PKNOX2: variants seen among roughly 807,000 people sequenced by gnomAD.
PKNOX2 encodes the protein homeobox protein PKNOX2.
Under a neutral mutation model 53.1 loss-of-function variants are expected in PKNOX2, and 14 were observed. The ratio of observed to expected loss-of-function variants is 0.26; its 90% CI spans 0.17 to 0.41. PKNOX2 has a LOEUF of 0.41. Ranked by LOEUF, PKNOX2 falls within the 10% of genes least tolerant of loss-of-function variation. PKNOX2 has a pLI of 1.00. For synonymous variants in PKNOX2, 257 were observed against 242.8 expected (o/e 1.06, Z -0.54); for missense variants, 496 against 602.8 (o/e 0.82, Z 1.85).
chr11:125,376,051 T>C (rs1367910414), intron 5 of PKNOX2, among the ~76,000 whole-genome samples: 1 of 152,224 alleles, frequency 6.6e-6, no homozygotes, highest in East Asian at 1.9e-4. Flanking sequence ...TAACTTTCAC[T>C]GTGTTGAGAT....
chr11:125,328,608 G>T (rs1172075124), intron 2 of PKNOX2, among the ~76,000 whole-genome samples: 2 of 152,170 alleles, frequency 1.3e-5, no homozygotes, highest in African/African-American at 4.8e-5. Context: ...TGTTAGCAAA[G>T]CTCCCAGGAT....
At chr11:125,401,475 CA>C (rs1320545223) in intron 7 of PKNOX2, among the ~76,000 whole-genome samples, 3 of 151,656 alleles carry the variant, frequency 2.0e-5, no homozygotes, top group Non-Finnish European at 4.4e-5. Context: ...GCTCAGGCTT[CA>C]GGGGTAAATA....
intron 2 of PKNOX2, among the ~76,000 whole-genome samples, chr11:125,313,769 T>G (rs60937162): frequency 0.017 from 2,540 of 152,276 alleles, 72 homozygotes; most frequent in African/African-American, 0.057. Flanking sequence ...GAAATGAAAT[T>G]AAACATTCAG....
intron 3 of PKNOX2, among the ~76,000 whole-genome samples, chr11:125,340,089 C>A: frequency 6.6e-6 from 1 of 152,174 alleles, no homozygotes; most frequent in Non-Finnish European, 1.5e-5. Context: ...GAGCAAAATG[C>A]AATGAAATAT....
At chr11:125,194,117 T>C (rs188527406) in intron 1 of PKNOX2, among the ~76,000 whole-genome samples, 67 of 152,330 alleles carry the variant, frequency 4.4e-4, no homozygotes, top group African/African-American at 1.3e-3. Context: ...CTAGATGCCT[T>C]TGTGCGAGCC....
At chr11:125,248,369 C>T (rs994330459) in intron 2 of PKNOX2, among the ~76,000 whole-genome samples, 2 of 152,284 alleles carry the variant, frequency 1.3e-5, no homozygotes, top group Non-Finnish European at 2.9e-5. Context: ...CACAGCAGCT[C>T]TGTCGGGTCC....
intron 5 of PKNOX2, among the ~76,000 whole-genome samples, chr11:125,382,980 A>C (rs1227666123): frequency 1.3e-5 from 2 of 152,112 alleles, no homozygotes; most frequent in African/African-American, 4.8e-5. Flanking sequence ...CCTGGGGCCC[A>C]GCAGTTTAGG....
chr11:125,362,976 T>C (rs1591542866), intron 4 of PKNOX2, among the ~76,000 whole-genome samples: 2 of 152,330 alleles, frequency 1.3e-5, no homozygotes, highest in Middle Eastern at 6.8e-3. Context: ...AGAAGGAACC[T>C]TCAAACCAAG....
rs1449135199 is a variant in PKNOX2 at position 125,370,517 on chromosome 11, C to T, written c.227+2532C>T. On this transcript the variant is annotated intron_variant, in intron 5 of 12. Transcript: ENST00000298282. The surrounding 1 kb of genome is among the most constrained non-coding windows in gnomAD (Gnocchi z 4.1). The stretch of plus-strand genomic sequence containing the variant: ...ACCACCCGCAACCCTTGGTGTTTGC[C>T]CAAAGTATGTCTGCAGCTGTCTGAC... Among the ~76,000 whole-genome samples, 1 of 152,202 alleles carries T rather than the reference C, an allele frequency of 6.6e-6. No homozygotes were observed. The highest frequency in any genetic ancestry group is 1.9e-4 in the East Asian group (1 of 5,192).
chr11:125,289,883 G>A (rs541138175), intron 2 of PKNOX2, among the ~76,000 whole-genome samples: 16 of 152,148 alleles, frequency 1.1e-4, no homozygotes, highest in Non-Finnish European at 2.1e-4. Context: ...GGCTTCATCC[G>A]TTGCCCAATA....
intron 4 of PKNOX2, among the ~76,000 whole-genome samples, chr11:125,366,371 G>T (rs1354020076): frequency 6.6e-6 from 1 of 152,080 alleles, no homozygotes; most frequent in Non-Finnish European, 1.5e-5. Context: ...AGGAAAGCAG[G>T]TACATTTCTT....
chr11:125,207,143 A>C (rs1362900212), intron 1 of PKNOX2, among the ~76,000 whole-genome samples: 1 of 151,990 alleles, frequency 6.6e-6, no homozygotes, highest in Non-Finnish European at 1.5e-5. Context: ...AACAACTGCC[A>C]CAGGAAACAT....
chr11:125,384,227 G>A (rs769318821), intron 5 of PKNOX2, among the ~76,000 whole-genome samples: 9 of 152,178 alleles, frequency 5.9e-5, no homozygotes, highest in Non-Finnish European at 1.3e-4. Flanking sequence ...GACATATAGT[G>A]ATAAATAAGG....
In PKNOX2 at chr11:125,431,157, C is replaced by T. The variant is rs558703179; in HGVS notation, c.1193-9C>T. The stretch of plus-strand genomic sequence containing the variant: ...CCTGCCTCGTCCTGACCCTTGCTTT[C>T]TCTCGCAGGTTCCATCAACTTGGAC... On this transcript the variant is annotated splice_polypyrimidine_tract_variant and intron_variant, in intron 12 of 12. Transcript: ENST00000298282. 1.9e-6 allele frequency: 3 copies of T among 1,612,584 alleles called. No homozygotes were observed. The highest frequency in any genetic ancestry group is 2.2e-5 in the East Asian group (1 of 44,854).
At chr11:125,225,626 C>T (rs986281672) in intron 1 of PKNOX2, among the ~76,000 whole-genome samples, 3 of 152,194 alleles carry the variant, frequency 2.0e-5, no homozygotes, top group African/African-American at 7.2e-5. Flanking sequence ...AATGTCCCCT[C>T]TGGCCTGGCG....
At chr11:125,283,158 T>C (rs1388120368) in intron 2 of PKNOX2, among the ~76,000 whole-genome samples, 4 of 149,526 alleles carry the variant, frequency 2.7e-5, no homozygotes, top group Admixed American at 6.6e-5. Flanking sequence ...TCTCAAAAAA[T>C]ATATAAATAA....
At chr11:125,393,008 A>G (rs1954157842) in intron 6 of PKNOX2, among the ~76,000 whole-genome samples, 1 of 151,802 alleles carries the variant, frequency 6.6e-6, no homozygotes, top group African/African-American at 2.4e-5. Flanking sequence ...AATACATAAA[A>G]AAAAAAATTA....
intron 5 of PKNOX2, among the ~76,000 whole-genome samples, chr11:125,382,662 G>A (rs1953334135): frequency 6.6e-6 from 1 of 152,200 alleles, no homozygotes; most frequent in African/African-American, 2.4e-5. Flanking sequence ...TTAAATTACA[G>A]CCACTGAGGC....
intron 1 of PKNOX2, among the ~76,000 whole-genome samples, chr11:125,200,516 C>T (rs947254318): frequency 6.6e-6 from 1 of 152,220 alleles, no homozygotes; most frequent in Non-Finnish European, 1.5e-5. Context: ...AACCATGGCT[C>T]TCCATGCACC....
Sources: gnomAD v4.1 joint callset for allele counts (sites outside exome capture counted in the v4.1 genomes callset) on GRCh38, gnomAD v4.1.1 for gene constraint, Gnocchi (gnomAD v3.1) non-coding constraint, MANE v1.5 for transcripts, NCBI Gene and HGNC (gene_info 2026-07-23, HGNC 2026-07-21) for gene names.